Variants in ADAMTS17 observed in about 807,000 individuals in gnomAD.
The protein encoded by ADAMTS17 is A disintegrin and metalloproteinase with thrombospondin motifs 17.
In ADAMTS17, 113 loss-of-function variants were observed where a neutral mutation model predicts 141.5. The observed-to-expected ratio is 0.80, with a 90% confidence interval of 0.69 to 0.93. The LOEUF (loss-of-function observed/expected upper bound fraction) is 0.93. Ranked by LOEUF, ADAMTS17 falls within the 40% of genes least tolerant of loss-of-function variation. The pLI, the probability that ADAMTS17 is intolerant of heterozygous loss-of-function variation, is 0.00. For synonymous variants in ADAMTS17, 768 were observed against 630.6 expected (o/e 1.22, Z -3.27); for missense variants, 1,659 against 1,517.9 (o/e 1.09, Z -1.54).
intron 4 of ADAMTS17, among the ~76,000 whole-genome samples, chr15:100,266,182 G>A (rs572457660): frequency 6.6e-6 from 1 of 152,328 alleles, no homozygotes; most frequent in African/African-American, 2.4e-5. Context: ...CAATTTGGCT[G>A]CCCACACCCA....
At chr15:100,229,654 C>T (rs1017546608) in intron 7 of ADAMTS17, among the ~76,000 whole-genome samples, 1 of 152,258 alleles carries the variant, frequency 6.6e-6, no homozygotes, top group Admixed American at 6.5e-5. Flanking sequence ...GTCCCAGAGG[C>T]AACCACTCAA....
intron 3 of ADAMTS17, among the ~76,000 whole-genome samples, chr15:100,327,889 C>T (rs149060911): frequency 1.3e-5 from 2 of 152,168 alleles, no homozygotes; most frequent in Non-Finnish European, 2.9e-5. Context: ...AAACAGTTCC[C>T]AGATGGCCTT....
At chr15:100,267,089 A>G (rs1306912549) in intron 4 of ADAMTS17, among the ~76,000 whole-genome samples, 2 of 152,132 alleles carry the variant, frequency 1.3e-5, no homozygotes, top group African/African-American at 4.8e-5. Context: ...TTATTGTACA[A>G]TTAACCTCCA....
Position 99,997,534 on chromosome 15 carries a change from G to T in ADAMTS17, c.2647C>A (p.His883Asn). Residue 883 changes from histidine to asparagine, a missense_variant, in exon 19 of 22, where the codon CAC (histidine) becomes AAC (asparagine). Transcript: ENST00000268070. The surrounding 1 kb of genome is among the most constrained non-coding windows in gnomAD (Gnocchi z 4.7). ...TGGTACACGCAGGTCACCTCCCGGT[G>T]CTGGAAGCCTTTCTCACAGGTCGCC... ...CSATCEKGFQ[H>N]REVTCVYQLQ... 1 of 1,613,686 alleles carries T rather than the reference G, an allele frequency of 6.2e-7. No individual in the cohort carries two copies. Among genetic ancestry groups the T allele is most frequent in the Non-Finnish European group, 8.5e-7 (1 of 1,180,036 alleles).
intron 10 of ADAMTS17, among the ~76,000 whole-genome samples, chr15:100,136,170 C>T (rs769031596): frequency 4.6e-5 from 7 of 152,168 alleles, no homozygotes; most frequent in Non-Finnish European, 1.0e-4. Context: ...TTGGAAACAA[C>T]CCAAATGCCC....
At chr15:100,328,749 T>G (rs576655193) in intron 3 of ADAMTS17, among the ~76,000 whole-genome samples, 1 of 152,274 alleles carries the variant, frequency 6.6e-6, no homozygotes, top group South Asian at 2.1e-4. Context: ...TGATCCTCAG[T>G]ATCACACCAC....
chr15:99,982,939 C>T (rs2060510542), intron 20 of ADAMTS17, among the ~76,000 whole-genome samples: 1 of 152,170 alleles, frequency 6.6e-6, no homozygotes, highest in African/African-American at 2.4e-5. Flanking sequence ...AAAACAGGAA[C>T]AAAATTGTTG....
At chr15:100,050,123 C>T (rs1333874982) in intron 17 of ADAMTS17, among the ~76,000 whole-genome samples, 1 of 152,204 alleles carries the variant, frequency 6.6e-6, no homozygotes, top group Admixed American at 6.5e-5. Flanking sequence ...TGCTGCCCCA[C>T]ATGGCAGCCT....
At chr15:100,048,589 ATTTTTTTTTTT>A (rs3062438) in intron 18 of ADAMTS17, among the ~76,000 whole-genome samples, 5 of 92,356 alleles carry the variant, frequency 5.4e-5, no homozygotes, top group Non-Finnish European at 1.1e-4. Flanking sequence ...GGTGATGGCC[ATTTTTTTTTTT>A]TTTTTTTTTT....
At chr15:100,028,285 C>T (rs1355728988) in intron 18 of ADAMTS17, among the ~76,000 whole-genome samples, 1 of 152,170 alleles carries the variant, frequency 6.6e-6, no homozygotes, top group African/African-American at 2.4e-5. Context: ...CTAAATCATC[C>T]CTCATCCTCT....
chr15:100,252,741 A>C (rs1291379584), intron 7 of ADAMTS17, among the ~76,000 whole-genome samples: 4 of 152,110 alleles, frequency 2.6e-5, no homozygotes, highest in Non-Finnish European at 4.4e-5. Context: ...GCCCCCAAAT[A>C]ACAAAGCAGG....
intron 8 of ADAMTS17, among the ~76,000 whole-genome samples, chr15:100,158,663 T>G (rs778427757): frequency 1.3e-5 from 2 of 152,220 alleles, no homozygotes; most frequent in African/African-American, 4.8e-5. Context: ...TTAGATGCCT[T>G]ATGTAAGTGG....
chr15:100,055,164 A>G (rs1291657775), intron 15 of ADAMTS17, among the ~76,000 whole-genome samples: 1 of 152,162 alleles, frequency 6.6e-6, no homozygotes, highest in Non-Finnish European at 1.5e-5. Context: ...AGCCCCAAGG[A>G]CACCCCAAAC....
chr15:100,112,374 C>G (rs1351675502), intron 13 of ADAMTS17, among the ~76,000 whole-genome samples: 1 of 152,106 alleles, frequency 6.6e-6, no homozygotes, highest in Non-Finnish European at 1.5e-5. Context: ...CCAGAACTCT[C>G]CATTTGTCCG....
In ADAMTS17 at chr15:100,285,458, C is replaced by A. The variant is rs146946979; in HGVS notation, c.617-4057G>T. ...CTTTAGTTTAGAAAGGATACAGTAT[C>A]CAGGTATTTATTAGGGAAAAACAAT... On this transcript the variant is annotated intron_variant, in intron 3 of 21. Transcript: ENST00000268070. Among the ~76,000 whole-genome samples, 332 of 152,258 alleles carry A rather than the reference C, an allele frequency of 2.2e-3. 4 individuals are homozygous for A. Among genetic ancestry groups the A allele is most frequent in the African/African-American group, 7.7e-3 (321 of 41,546 alleles).
chr15:99,976,964 C>T (rs927233732), intron 20 of ADAMTS17, among the ~76,000 whole-genome samples: 1 of 152,076 alleles, frequency 6.6e-6, no homozygotes, highest in Non-Finnish European at 1.5e-5. Flanking sequence ...GGCTTGGTGG[C>T]CCCCAGGAAG....
At chr15:100,341,766 G>A in intron 1 of ADAMTS17, 55 bp downstream of exon 1, 2 of 1,532,480 alleles carry the variant, frequency 1.3e-6, no homozygotes. Context: ...CGAGAACGCA[G>A]AGGGAAGGTA....
At chr15:100,304,264 C>G (rs1011801834) in intron 3 of ADAMTS17, among the ~76,000 whole-genome samples, 2 of 152,202 alleles carry the variant, frequency 1.3e-5, no homozygotes, top group Admixed American at 1.3e-4. Context: ...CACTGGACTC[C>G]TGGCTCCACT....
chr15:100,138,451 T>C (rs1037895262), intron 10 of ADAMTS17, among the ~76,000 whole-genome samples: 2 of 152,120 alleles, frequency 1.3e-5, no homozygotes, highest in African/African-American at 2.4e-5. Context: ...ATTAACACTG[T>C]TGAATATAAG....
Sources: gnomAD v4.1 joint callset for allele counts (sites outside exome capture counted in the v4.1 genomes callset) on GRCh38, gnomAD v4.1.1 for gene constraint, Gnocchi (gnomAD v3.1) non-coding constraint, MANE v1.5 for transcripts, NCBI Gene and HGNC (gene_info 2026-07-23, HGNC 2026-07-21) for gene names.